GABRG3: variants seen among roughly 807,000 people sequenced by gnomAD.
The protein encoded by GABRG3 is gamma-aminobutyric acid receptor subunit gamma-3.
GABRG3 carries 25 observed loss-of-function variants against 48.8 expected under a neutral mutation model. The observed-to-expected ratio is 0.51, with a 90% CI of 0.37 to 0.72. GABRG3 has a LOEUF of 0.72. Ranked by LOEUF, GABRG3 falls within the 30% of genes least tolerant of loss-of-function variation. The pLI is 0.00. For missense variants in GABRG3, 394 were observed against 577.9 expected, an observed-to-expected ratio of 0.68 and a Z score of 3.26; for synonymous variants, 227 against 217.6, an observed-to-expected ratio of 1.04 and a Z score of -0.38.
intron 3 of GABRG3, among the ~76,000 whole-genome samples, chr15:27,191,935 T>A (rs888211702): frequency 6.6e-6 from 1 of 152,078 alleles, no homozygotes; most frequent in African/African-American, 2.4e-5. Flanking sequence ...TGACAAAATC[T>A]CTCAGCATTT....
intron 3 of GABRG3, among the ~76,000 whole-genome samples, chr15:27,155,575 C>T (rs1464213034): frequency 5.3e-5 from 8 of 152,176 alleles, no homozygotes; most frequent in Non-Finnish European, 1.0e-4. Context: ...TGCAACAGCA[C>T]TCTGGTGGAA....
At chr15:27,340,826 C>A in intron 5 of GABRG3, 1 of 263,072 alleles carries the variant, frequency 3.8e-6, no homozygotes, top group East Asian at 8.6e-5. Context: ...CAAAAGAAAC[C>A]ATGTAAAGCA....
At chr15:27,031,063 G>GACACAC (rs72485766) in intron 3 of GABRG3, among the ~76,000 whole-genome samples, 9,885 of 149,836 alleles carry the variant, frequency 0.066, 340 homozygotes, top group Admixed American at 0.075. Context: ...CACACACACA[G>GACACAC]ACACACACAC....
chr15:27,433,627 C>A (rs1246356949), intron 5 of GABRG3, among the ~76,000 whole-genome samples: 1 of 152,134 alleles, frequency 6.6e-6, no homozygotes, highest in African/African-American at 2.4e-5. Context: ...CAAAATGATC[C>A]CCTAATTCAA....
At chr15:26,996,530 T>G (rs140026783) in intron 2 of GABRG3, among the ~76,000 whole-genome samples, 3,440 of 152,228 alleles carry the variant, frequency 0.023, 47 homozygotes, top group Non-Finnish European at 0.036. Flanking sequence ...CTATGTTGTA[T>G]CTGGGTATGA....
chr15:27,228,183 C>G (rs111914949), intron 3 of GABRG3, among the ~76,000 whole-genome samples: 4 of 152,178 alleles, frequency 2.6e-5, no homozygotes, highest in African/African-American at 9.6e-5. Flanking sequence ...AGGTATTAAG[C>G]TCAGTTCCCA....
intron 3 of GABRG3, among the ~76,000 whole-genome samples, chr15:27,072,069 G>T (rs776974767): frequency 6.6e-6 from 1 of 152,088 alleles, no homozygotes; most frequent in African/African-American, 2.4e-5. Context: ...TTCTCATCCC[G>T]CCCTTAAAAG....
chr15:27,263,568 T>C (rs1451263215), intron 3 of GABRG3, among the ~76,000 whole-genome samples: 2 of 152,126 alleles, frequency 1.3e-5, no homozygotes, highest in African/African-American at 2.4e-5. Flanking sequence ...AAACCTTTGT[T>C]TTCTTTCCAT....
rs1240259396 is a variant in GABRG3 at position 26,971,588 on chromosome 15, G to A, written c.53G>A (p.Arg18Gln). 2.6e-6 allele frequency: 4 copies of A among 1,528,292 alleles called. No individual in the cohort carries two copies. The highest frequency in any genetic ancestry group is 2.4e-5 in the South Asian group (2 of 81,816). 94.7% of individuals were successfully genotyped at this position (1,528,292 alleles called of 1,614,324 possible). Residue 18 changes from arginine to glutamine, a missense_variant and splice_region_variant, in exon 1 of 10, where the codon CGG (arginine) becomes CAG (glutamine). This residue lies in a region of GABRG3 where 218 missense variants were observed against 309.9 expected (regional missense o/e 0.70). Coordinates refer to ENST00000615808, the MANE Select transcript of GABRG3 (RefSeq NM_033223.5). ...LLCLFSGLHA[R>Q]SRKVEEDEYE... ...TGCCTGTTCTCGGGCTTGCACGCGC[G>A]GTAAGTGGCGCGGGGGCCGCATCCC...
intron 5 of GABRG3, among the ~76,000 whole-genome samples, chr15:27,402,277 A>G (rs1887496542): frequency 6.6e-6 from 1 of 150,402 alleles, no homozygotes; most frequent in African/African-American, 2.5e-5. Context: ...CTGAAGACAG[A>G]CAAAAAAAAT....
chr15:27,167,122 G>A (rs1372077473), intron 3 of GABRG3, among the ~76,000 whole-genome samples: 7 of 152,128 alleles, frequency 4.6e-5, no homozygotes, highest in Non-Finnish European at 7.4e-5. Context: ...ACTGCACACC[G>A]AAAGCTTAGT....
intron 4 of GABRG3, 81 bp downstream of exon 4, chr15:27,327,110 A>C (rs976645201): frequency 1.0e-4 from 123 of 1,214,882 alleles, no homozygotes; most frequent in Non-Finnish European, 1.4e-4. Context: ...ATGAGACCCT[A>C]TTTTCATCTC....
chr15:27,339,282 A>T (rs758512470), intron 5 of GABRG3, among the ~76,000 whole-genome samples: 2 of 152,252 alleles, frequency 1.3e-5, no homozygotes, highest in Non-Finnish European at 2.9e-5. Flanking sequence ...ATGCTCAAGC[A>T]TCTTCTTAAA....
intron 7 of GABRG3, among the ~76,000 whole-genome samples, chr15:27,523,963 A>G (rs776516786): frequency 4.4e-4 from 67 of 152,190 alleles, no homozygotes; most frequent in Middle Eastern, 3.4e-3. Flanking sequence ...GGGGCTAAAA[A>G]AAATATTCAA....
intron 5 of GABRG3, among the ~76,000 whole-genome samples, chr15:27,397,805 T>A (rs867233424): frequency 0.012 from 505 of 42,570 alleles, no homozygotes; most frequent in East Asian, 0.051. Flanking sequence ...CTGAAAAATT[T>A]TTTTTTTTTT....
At chr15:27,183,110 CT>C (rs199766914) in intron 3 of GABRG3, among the ~76,000 whole-genome samples, 220 of 151,044 alleles carry the variant, frequency 1.5e-3, no homozygotes, top group African/African-American at 5.0e-3. Flanking sequence ...TTACAGATGA[CT>C]TTTTTTTTCA....
At chr15:27,329,827 TAAAATC>T (rs991099815) in intron 5 of GABRG3, among the ~76,000 whole-genome samples, 2 of 152,232 alleles carry the variant, frequency 1.3e-5, no homozygotes, top group Admixed American at 1.3e-4. Context: ...ATTTTTAAGT[TAAAATC>T]AAAATGGAAA....
intron 3 of GABRG3, among the ~76,000 whole-genome samples, chr15:27,126,467 T>A (rs377364403): frequency 4.6e-5 from 7 of 152,294 alleles, no homozygotes; most frequent in Admixed American, 2.6e-4. Flanking sequence ...CTCTGACTTC[T>A]GACCATCTTC....
intron 5 of GABRG3, among the ~76,000 whole-genome samples, chr15:27,463,881 A>T (rs544427612): frequency 6.6e-6 from 1 of 152,220 alleles, no homozygotes; most frequent in African/African-American, 2.4e-5. Flanking sequence ...TCTCTCAGGG[A>T]GTGGGCTCAG....
Sources: allele counts gnomAD v4.1 joint callset (sites outside exome capture counted in the v4.1 genomes callset), GRCh38; gene constraint gnomAD v4.1.1; regional missense constraint gnomAD v4.1.1; transcripts MANE v1.5; gene names NCBI Gene and HGNC (gene_info 2026-07-23, HGNC 2026-07-21).